SLC49A4: variants seen among roughly 807,000 people sequenced by gnomAD.
The protein encoded by SLC49A4 is solute carrier family 49 member 4, also known as disrupted in renal cancer protein 2.
In SLC49A4, 36 loss-of-function variants were observed where a neutral mutation model predicts 50.6. The observed-to-expected ratio is 0.71, with a 90% confidence interval of 0.55 to 0.94. SLC49A4 has a LOEUF of 0.94. Ranked by LOEUF, SLC49A4 falls within the 40% of genes least tolerant of loss-of-function variation. The probability of loss-of-function intolerance (pLI) is 0.00; values close to 1 mark genes in which losing one functional copy is unlikely to be tolerated. For missense variants in SLC49A4, 503 were observed against 605.7 expected (o/e 0.83, Z 1.78); for synonymous variants, 248 against 241.2 (o/e 1.03, Z -0.26).
chr3:122,823,648 C>T (rs144313981), intron 2 of SLC49A4, among the ~76,000 whole-genome samples: 4,406 of 152,052 alleles, frequency 0.029, 102 homozygotes, highest in Non-Finnish European at 0.047. Context: ...TATTTTATTT[C>T]CTTTATTATC....
At chr3:122,807,436 A>G (rs961962261) in intron 2 of SLC49A4, among the ~76,000 whole-genome samples, 1 of 152,148 alleles carries the variant, frequency 6.6e-6, no homozygotes, top group Non-Finnish European at 1.5e-5. Flanking sequence ...CCATGGAGGC[A>G]GGTAAGCATA....
At chr3:122,830,505 C>T (rs771709891) in intron 3 of SLC49A4, among the ~76,000 whole-genome samples, 14 of 152,116 alleles carry the variant, frequency 9.2e-5, no homozygotes, top group African/African-American at 1.7e-4. Flanking sequence ...AGTGATACTG[C>T]GTAGAAACGC....
intron 2 of SLC49A4, among the ~76,000 whole-genome samples, chr3:122,818,049 C>T (rs1226002443): frequency 6.6e-6 from 1 of 151,978 alleles, no homozygotes; most frequent in Non-Finnish European, 1.5e-5. Context: ...AACTTACTGA[C>T]CCTAAAATAA....
rs538780059 is a variant in SLC49A4 at position 122,840,294 on chromosome 3, C to T, written c.834-5469C>T. 5.3e-5 allele frequency among the ~76,000 whole-genome samples: 8 copies of T among 152,288 alleles called. No homozygotes were observed. In the East Asian group the frequency reaches 1.5e-3, roughly 29 times the overall value. ...CATATTGGGTACACTGTACACTACTCAGGTGGCAGGTGCACCAAAGTCTCA... is the reference window on the plus strand; with the variant it reads ...CATATTGGGTACACTGTACACTACTTAGGTGGCAGGTGCACCAAAGTCTCA... On this transcript the variant is annotated intron_variant, in intron 4 of 8. Transcript: ENST00000261038.
intron 1 of SLC49A4, among the ~76,000 whole-genome samples, chr3:122,803,489 A>T (rs1175672041): frequency 2.6e-5 from 4 of 152,194 alleles, no homozygotes; most frequent in South Asian, 2.1e-4. Flanking sequence ...TGTCTGATTT[A>T]AACAGGAAAA....
At chr3:122,832,979 ATT>A in intron 3 of SLC49A4, among the ~76,000 whole-genome samples, 1 of 152,272 alleles carries the variant, frequency 6.6e-6, no homozygotes, top group East Asian at 1.9e-4. Flanking sequence ...TAATTCCAGC[ATT>A]TTGGGAGACT....
At chr3:122,830,972 A>T (rs1175885374) in intron 3 of SLC49A4, among the ~76,000 whole-genome samples, 1 of 152,184 alleles carries the variant, frequency 6.6e-6, no homozygotes, top group Non-Finnish European at 1.5e-5. Flanking sequence ...TAAAGGACTC[A>T]AACACATTTC....
intron 6 of SLC49A4, 27 bp downstream of exon 6, chr3:122,856,401 G>C (rs752590221): frequency 5.6e-6 from 9 of 1,602,666 alleles, no homozygotes; most frequent in Non-Finnish European, 7.7e-6. Context: ...AAACTTGTGA[G>C]TGGACAGAGC....
intron 3 of SLC49A4, among the ~76,000 whole-genome samples, chr3:122,831,017 TG>T (rs563509535): frequency 1.4e-3 from 209 of 152,216 alleles, no homozygotes; most frequent in African/African-American, 4.6e-3. Context: ...ATCGAACACA[TG>T]AAAGATACTC....
chr3:122,879,427 A>G lies in SLC49A4; in HGVS notation c.*49A>G. On this transcript the variant is annotated 3_prime_UTR_variant, in exon 9 of 9. Transcript: ENST00000261038. ...AAAGGAGGCTGGAAATCAATACTGCACACTGCACATTTGCTCAGAATTGCA... is the reference window on the plus strand; with the variant it reads ...AAAGGAGGCTGGAAATCAATACTGCGCACTGCACATTTGCTCAGAATTGCA... The G allele has an allele frequency of 7.3e-7, 1 of 1,364,280 alleles. No homozygotes were observed. Among genetic ancestry groups the G allele is most frequent in the African/African-American group, 1.4e-5 (1 of 69,676 alleles). 84.5% of individuals were successfully genotyped at this position (1,364,280 alleles called of 1,614,324 possible).
At chr3:122,843,013 CT>C (rs1363369651) in intron 4 of SLC49A4, among the ~76,000 whole-genome samples, 1 of 152,148 alleles carries the variant, frequency 6.6e-6, no homozygotes, top group Admixed American at 6.5e-5. Context: ...TACTCATCTA[CT>C]TTTTTTACGT....
chr3:122,835,798 A>C (rs1314523040), intron 4 of SLC49A4, among the ~76,000 whole-genome samples: 1 of 152,220 alleles, frequency 6.6e-6, no homozygotes, highest in Non-Finnish European at 1.5e-5. Context: ...AAATTGGAAA[A>C]AGAGGAAGTC....
chr3:122,851,299 G>C (rs1936922065), intron 5 of SLC49A4, among the ~76,000 whole-genome samples: 1 of 151,944 alleles, frequency 6.6e-6, no homozygotes, highest in East Asian at 1.9e-4. Flanking sequence ...TAGTGTTTTT[G>C]TTTGTTTATT....
chr3:122,866,405 T>A (rs930733982), intron 7 of SLC49A4, among the ~76,000 whole-genome samples: 2 of 152,168 alleles, frequency 1.3e-5, no homozygotes, highest in African/African-American at 4.8e-5. Flanking sequence ...TTGTTATTCA[T>A]CTACTTAAAT....
chr3:122,834,705 CAA>C (rs1461847535), intron 4 of SLC49A4, among the ~76,000 whole-genome samples: 1 of 151,550 alleles, frequency 6.6e-6, no homozygotes, highest in Non-Finnish European at 1.5e-5. Context: ...AAAGAAAAAA[CAA>C]AGATCAGAGC....
intron 2 of SLC49A4, among the ~76,000 whole-genome samples, chr3:122,807,362 T>C (rs1936235866): frequency 6.6e-6 from 1 of 151,760 alleles, no homozygotes; most frequent in Admixed American, 6.6e-5. Context: ...GAATGATGAG[T>C]AGAATGTTGG....
chr3:122,846,719 G>C (rs1214157712), intron 5 of SLC49A4, among the ~76,000 whole-genome samples: 1 of 152,210 alleles, frequency 6.6e-6, no homozygotes, highest in African/African-American at 2.4e-5. Flanking sequence ...CTTTAGACAT[G>C]CTGATAGCTG....
chr3:122,795,741 G>GT (rs1404988327), intron 1 of SLC49A4, among the ~76,000 whole-genome samples: 2 of 152,222 alleles, frequency 1.3e-5, no homozygotes, highest in Non-Finnish European at 2.9e-5. Flanking sequence ...AAATATTTAT[G>GT]TTTTTTATCA....
chr3:122,866,334 C>T (rs1008396829), intron 7 of SLC49A4, among the ~76,000 whole-genome samples: 1 of 151,828 alleles, frequency 6.6e-6, no homozygotes, highest in Non-Finnish European at 1.5e-5. Flanking sequence ...GAGCCCCATG[C>T]CTGGCAAGAT....
Sources: allele counts gnomAD v4.1 joint callset (sites outside exome capture counted in the v4.1 genomes callset), GRCh38; gene constraint gnomAD v4.1.1; transcripts MANE v1.5; gene names NCBI Gene and HGNC (gene_info 2026-07-23, HGNC 2026-07-21).